Variants in DCC observed in about 807,000 individuals in gnomAD.
DCC encodes the protein netrin receptor DCC.
In DCC, 58 loss-of-function variants were observed where a neutral mutation model predicts 172.5. That is an observed-to-expected ratio of 0.34 (90% CI 0.27 to 0.42). The LOEUF is 0.42. Among genes scored for constraint, DCC ranks in the 10% least tolerant of loss-of-function variants. DCC has a pLI of 1.00. For missense variants in DCC, 1,740 were observed against 1,791.0 expected, an observed-to-expected ratio of 0.97 and a Z score of 0.51; for synonymous variants, 709 against 644.5, an observed-to-expected ratio of 1.10 and a Z score of -1.52.
chr18:53,143,951 A>C (rs1467539018), intron 7 of DCC, among the ~76,000 whole-genome samples: 3 of 152,228 alleles, frequency 2.0e-5, no homozygotes, highest in Non-Finnish European at 4.4e-5. Context: ...GACATTTATT[A>C]TACTGAAATA....
At chr18:52,762,510 A>G (rs7504618) in intron 2 of DCC, among the ~76,000 whole-genome samples, 1 of 151,788 alleles carries the variant, frequency 6.6e-6, no homozygotes, top group Non-Finnish European at 1.5e-5. Context: ...ACAAAAATTT[A>G]AAAAATATTT....
chr18:53,212,035 G>T (rs1041052776), intron 11 of DCC, among the ~76,000 whole-genome samples: 1 of 152,164 alleles, frequency 6.6e-6, no homozygotes, highest in African/African-American at 2.4e-5. Flanking sequence ...GCAACAGAGA[G>T]AAATTCTGTC....
intron 15 of DCC, among the ~76,000 whole-genome samples, chr18:53,385,623 C>G (rs544688449): frequency 6.6e-6 from 1 of 152,168 alleles, no homozygotes; most frequent in Non-Finnish European, 1.5e-5. Context: ...GCTGTGCTTT[C>G]CAGCATTAGC....
At chr18:52,565,364 G>T (rs970330229) in intron 1 of DCC, among the ~76,000 whole-genome samples, 7 of 152,100 alleles carry the variant, frequency 4.6e-5, no homozygotes, top group Non-Finnish European at 1.0e-4. Flanking sequence ...CCAGTAACGG[G>T]ATTGCTGGAT....
intron 14 of DCC, among the ~76,000 whole-genome samples, chr18:53,329,812 G>A (rs747966299): frequency 6.6e-6 from 1 of 152,032 alleles, no homozygotes; most frequent in Admixed American, 6.6e-5. Flanking sequence ...TAATAAAAAC[G>A]TTTACTATAA....
At chr18:53,275,218 C>T (rs1298585587) in intron 12 of DCC, among the ~76,000 whole-genome samples, 1 of 152,032 alleles carries the variant, frequency 6.6e-6, no homozygotes, top group African/African-American at 2.4e-5. Context: ...TATTAGAGAA[C>T]AACATATACC....
chr18:53,069,586 T>A (rs2144101398), intron 7 of DCC, among the ~76,000 whole-genome samples: 1 of 151,572 alleles, frequency 6.6e-6, no homozygotes, highest in East Asian at 2.0e-4. Context: ...AGGTGGGGAT[T>A]TTCTGAAGAA....
intron 12 of DCC, among the ~76,000 whole-genome samples, chr18:53,255,050 A>G (rs1350535941): frequency 6.6e-6 from 1 of 151,916 alleles, no homozygotes; most frequent in African/African-American, 2.4e-5. Context: ...TGAGTCAGCT[A>G]TTATGTCCAC....
At chr18:53,256,758 G>A (rs1405680999) in intron 12 of DCC, among the ~76,000 whole-genome samples, 1 of 152,180 alleles carries the variant, frequency 6.6e-6, no homozygotes, top group Non-Finnish European at 1.5e-5. Context: ...GAAAGTCATT[G>A]GTAGCTTGAT....
chr18:53,226,465 G>T (rs963292098), intron 12 of DCC, among the ~76,000 whole-genome samples: 1 of 152,084 alleles, frequency 6.6e-6, no homozygotes, highest in Non-Finnish European at 1.5e-5. Flanking sequence ...CTCCCCATGG[G>T]ACTTAAAAAG....
At chr18:52,911,180 C>A (rs996866183) in intron 3 of DCC, among the ~76,000 whole-genome samples, 5 of 152,018 alleles carry the variant, frequency 3.3e-5, no homozygotes, top group African/African-American at 9.7e-5. Flanking sequence ...AAAGAGGACA[C>A]TTTCTTCACT....
intron 12 of DCC, among the ~76,000 whole-genome samples, chr18:53,295,705 C>T (rs1339145256): frequency 2.0e-5 from 3 of 152,172 alleles, no homozygotes; most frequent in Admixed American, 6.5e-5. Context: ...TGAGTGTTTC[C>T]ATTTGTTGGA....
intron 2 of DCC, among the ~76,000 whole-genome samples, chr18:52,806,176 C>T (rs886644360): frequency 6.6e-6 from 1 of 152,078 alleles, no homozygotes; most frequent in Non-Finnish European, 1.5e-5. Context: ...GATATTATTT[C>T]TTAGAGCAGT....
chr18:52,774,624 T>C (rs181731669), intron 2 of DCC, among the ~76,000 whole-genome samples: 237 of 152,290 alleles, frequency 1.6e-3, no homozygotes, highest in African/African-American at 5.5e-3. Flanking sequence ...GCAGAGTGTG[T>C]GATGGGGGTA....
chr18:52,380,909 C>G (rs941946504), intron 1 of DCC, among the ~76,000 whole-genome samples: 5 of 152,074 alleles, frequency 3.3e-5, no homozygotes, highest in African/African-American at 1.2e-4. Flanking sequence ...CAGCTAGGAG[C>G]AAATAATCTC....
intron 7 of DCC, among the ~76,000 whole-genome samples, chr18:53,091,859 C>A (rs200210341): frequency 0.041 from 5,846 of 141,058 alleles, 390 homozygotes; most frequent in African/African-American, 0.15. Flanking sequence ...ATCAATCTAT[C>A]TATATATATA....
chr18:52,372,354 C>A (rs1046813963), intron 1 of DCC, among the ~76,000 whole-genome samples: 1 of 152,150 alleles, frequency 6.6e-6, no homozygotes, highest in African/African-American at 2.4e-5. Context: ...AACACATGTG[C>A]TCTGTTTGAG....
intron 1 of DCC, among the ~76,000 whole-genome samples, chr18:52,564,819 G>A (rs2033120351): frequency 6.6e-6 from 1 of 152,006 alleles, no homozygotes; most frequent in Non-Finnish European, 1.5e-5. Flanking sequence ...AGTAGGAGGA[G>A]CTCTTTGTAG....
chr18:53,147,588 C>T (rs2144367161), intron 7 of DCC, among the ~76,000 whole-genome samples: 1 of 152,256 alleles, frequency 6.6e-6, no homozygotes, highest in Non-Finnish European at 1.5e-5. Flanking sequence ...GAGCCAAGTG[C>T]ACTGCACACA....
Sources: allele counts gnomAD v4.1 joint callset (sites outside exome capture counted in the v4.1 genomes callset), GRCh38; gene constraint gnomAD v4.1.1; transcripts MANE v1.5; gene names NCBI Gene and HGNC (gene_info 2026-07-23, HGNC 2026-07-21).